The following CERS6 variants were observed in gnomAD, a reference collection of about 807,000 sequenced individuals.
CERS6 encodes LAG1 homolog, ceramide synthase 6.
Under a neutral mutation model 56.8 loss-of-function variants are expected in CERS6, and 26 were observed. The observed-to-expected ratio is 0.46, with a 90% CI of 0.34 to 0.63. CERS6 has a LOEUF of 0.63. CERS6 is among the 30% of genes least tolerant of loss of function. The pLI, the probability that CERS6 is intolerant of heterozygous loss-of-function variation, is 0.01. For missense variants in CERS6, 415 were observed against 467.5 expected (o/e 0.89, Z 1.04); for synonymous variants, 164 against 173.3 (o/e 0.95, Z 0.42).
intron 3 of CERS6, among the ~76,000 whole-genome samples, chr2:168,600,201 T>TCC (rs775974845): frequency 6.7e-6 from 1 of 148,314 alleles, no homozygotes; most frequent in Non-Finnish European, 1.5e-5. Context: ...TCTCTCTCTC[T>TCC]CTCTCTCTCT....
chr2:168,674,550 T>A (rs973445491), intron 4 of CERS6, among the ~76,000 whole-genome samples: 4 of 152,266 alleles, frequency 2.6e-5, no homozygotes, highest in Non-Finnish European at 5.9e-5. Flanking sequence ...GAATATTATT[T>A]ATTTGGCAAA....
chr2:168,760,738 GTTTATTTATTTA>G (rs80269147), intron 8 of CERS6, among the ~76,000 whole-genome samples: 2,157 of 129,326 alleles, frequency 0.017, 27 homozygotes, highest in African/African-American at 0.03. Flanking sequence ...TTTACTGTTT[GTTTATTTATTTA>G]TTTATTTATT....
Position 168,549,952 on chromosome 2 carries a change from C to T in CERS6, c.276+2251C>T, listed in dbSNP as rs572552399. Among the ~76,000 whole-genome samples the T allele has an allele frequency of 3.8e-3, 583 of 152,124 alleles. 2 individuals carry two copies. The highest frequency in any genetic ancestry group is 7.0e-3 in the Non-Finnish European group (479 of 68,002). Reference sequence around the variant, plus strand: ...TATCCTGGCCTTACCACGGTTTGAGCTGCCTTTTTGTAGAAGGGCATGATT... The same window carrying T: ...TATCCTGGCCTTACCACGGTTTGAGTTGCCTTTTTGTAGAAGGGCATGATT... On this transcript the variant is annotated intron_variant, in intron 2 of 9. Coordinates refer to ENST00000305747, the MANE Select transcript of CERS6 (RefSeq NM_203463.3).
intron 2 of CERS6, among the ~76,000 whole-genome samples, chr2:168,555,892 G>A (rs1383465524): frequency 2.0e-5 from 3 of 151,468 alleles, no homozygotes; most frequent in Non-Finnish European, 4.4e-5. Flanking sequence ...TTTTTTCTTT[G>A]CCCAGGTGAT....
rs73969282 is a variant in CERS6 at position 168,613,769 on chromosome 2, G to A, written c.408-17216G>A. 6.8e-3 allele frequency among the ~76,000 whole-genome samples: 1,038 copies of A among 152,300 alleles called. 12 individuals are homozygous for A. The highest frequency in any genetic ancestry group is 0.024 in the African/African-American group (987 of 41,556). ...CTTTACAGTCAATATGTAATACCAT[G>A]TAATAGTGGCTAGGACCAGAAATCA... On this transcript the variant is annotated intron_variant, in intron 3 of 9. Coordinates refer to ENST00000305747, the MANE Select transcript of CERS6 (RefSeq NM_203463.3).
chr2:168,692,151 C>T (rs1686521524), intron 5 of CERS6, among the ~76,000 whole-genome samples: 1 of 152,092 alleles, frequency 6.6e-6, no homozygotes, highest in South Asian at 2.1e-4. Flanking sequence ...AGCAATAGAA[C>T]ATGGCAAGAG....
chr2:168,496,141 C>CTA (rs1345101945), intron 1 of CERS6, among the ~76,000 whole-genome samples: 1 of 152,174 alleles, frequency 6.6e-6, no homozygotes, highest in African/African-American at 2.4e-5. Context: ...GTGCCACATG[C>CTA]TATATATCAG....
intron 3 of CERS6, among the ~76,000 whole-genome samples, chr2:168,566,432 G>A (rs1276594034): frequency 6.6e-6 from 1 of 152,088 alleles, no homozygotes; most frequent in Non-Finnish European, 1.5e-5. Context: ...TCAAAACCTG[G>A]GACCCTTTCG....
chr2:168,645,670 T>A (rs1234674387), intron 4 of CERS6, among the ~76,000 whole-genome samples: 1 of 152,194 alleles, frequency 6.6e-6, no homozygotes, highest in African/African-American at 2.4e-5. Context: ...AGTTATCTTT[T>A]CTGCTCCTCT....
At chr2:168,750,130 T>C (rs1684220773) in intron 8 of CERS6, among the ~76,000 whole-genome samples, 2 of 152,170 alleles carry the variant, frequency 1.3e-5, no homozygotes, top group Non-Finnish European at 2.9e-5. Context: ...CCTTGCCCTA[T>C]TTTAGCTAGT....
At chr2:168,726,794 G>C (rs1683366494) in intron 8 of CERS6, among the ~76,000 whole-genome samples, 1 of 152,080 alleles carries the variant, frequency 6.6e-6, no homozygotes, top group Admixed American at 6.5e-5. Flanking sequence ...ATAGCCAAGT[G>C]GTCAGAAGTT....
At chr2:168,749,902 G>GAGT (rs1559079837) in intron 8 of CERS6, among the ~76,000 whole-genome samples, 1 of 152,246 alleles carries the variant, frequency 6.6e-6, no homozygotes, top group Non-Finnish European at 1.5e-5. Context: ...ACTAGGCAGA[G>GAGT]AGTAGCAGCT....
At chr2:168,760,065 A>G (rs1684528107) in intron 8 of CERS6, among the ~76,000 whole-genome samples, 1 of 152,184 alleles carries the variant, frequency 6.6e-6, no homozygotes, top group Admixed American at 6.5e-5. Context: ...AGATCAAGAT[A>G]CAGAAGTGTC....
At chr2:168,569,889 A>G (rs893553494) in intron 3 of CERS6, among the ~76,000 whole-genome samples, 1 of 152,224 alleles carries the variant, frequency 6.6e-6, no homozygotes, top group African/African-American at 2.4e-5. Flanking sequence ...GAATTAATAT[A>G]TATAAATAAA....
chr2:168,636,732 A>G (rs1385388850), intron 4 of CERS6, among the ~76,000 whole-genome samples: 2 of 152,110 alleles, frequency 1.3e-5, no homozygotes, highest in African/African-American at 2.4e-5. Context: ...TCCCTCTTCT[A>G]CCTACATCTA....
chr2:168,631,225 C>T (rs1684709699), intron 4 of CERS6, among the ~76,000 whole-genome samples, 183 bp downstream of exon 4: 1 of 150,640 alleles, frequency 6.6e-6, no homozygotes, highest in Non-Finnish European at 1.5e-5. Flanking sequence ...CCCATAGTCA[C>T]TCCAGTGGGT....
chr2:168,754,875 C>G (rs1007235824), intron 8 of CERS6, among the ~76,000 whole-genome samples: 1 of 152,168 alleles, frequency 6.6e-6, no homozygotes, highest in Admixed American at 6.5e-5. Context: ...CTCCTGCGCT[C>G]AAGTGATCTC....
chr2:168,534,252 G>A (rs560425753), intron 1 of CERS6, among the ~76,000 whole-genome samples: 1 of 152,138 alleles, frequency 6.6e-6, no homozygotes, highest in East Asian at 1.9e-4. Flanking sequence ...GTCTAGTTCT[G>A]CACCCTTGCT....
intron 3 of CERS6, among the ~76,000 whole-genome samples, chr2:168,605,821 T>A (rs139377510): frequency 1.9e-4 from 29 of 152,274 alleles, no homozygotes; most frequent in Middle Eastern, 3.4e-3. Flanking sequence ...GAGTTAAGGC[T>A]TGGGGGCCTC....
Sources: allele counts gnomAD v4.1 joint callset (sites outside exome capture counted in the v4.1 genomes callset), GRCh38; gene constraint gnomAD v4.1.1; transcripts MANE v1.5; gene names NCBI Gene and HGNC (gene_info 2026-07-23, HGNC 2026-07-21).